Variants in MRTFA observed in about 807,000 individuals in gnomAD.
MRTFA encodes the protein myocardin related transcription factor A, also known as myocardin-related transcription factor A.
Under a neutral mutation model 83.5 loss-of-function variants are expected in MRTFA, and 20 were observed. That is an observed-to-expected ratio of 0.24 (90% CI 0.17 to 0.35). The LOEUF is 0.35. MRTFA is among the 10% of genes least tolerant of loss of function. The pLI, the probability that MRTFA is intolerant of heterozygous loss-of-function variation, is 1.00. For missense variants in MRTFA, 1,200 were observed against 1,224.7 expected (o/e 0.98, Z 0.30); for synonymous variants, 659 against 541.2 (o/e 1.22, Z -3.02).
intron 3 of MRTFA, 44 bp downstream of exon 3, chr22:40,552,062 T>G (rs2055451040): frequency 7.5e-6 from 3 of 397,700 alleles, no homozygotes; most frequent in Admixed American, 4.4e-5. Context: ...AACATGAAGA[T>G]CCTGGTTCAA....
chr22:40,462,085 C>T lies in MRTFA; in HGVS notation c.307+1136G>A, dbSNP rs78975285. Among the ~76,000 whole-genome samples, 1,127 of 152,312 alleles carry T rather than the reference C, an allele frequency of 7.4e-3. 12 individuals carry two copies. Among genetic ancestry groups the T allele is most frequent in the African/African-American group, 0.026 (1,078 of 41,572 alleles). The stretch of plus-strand genomic sequence containing the variant: ...CTCAAATCTTTCCTCTTCAGTGAGG[C>T]CTTTCTTGAACATCTTATTCGAAGT... On this transcript the variant is annotated intron_variant, in intron 4 of 14. Transcript: ENST00000355630.
Position 40,592,276 on chromosome 22 carries a change from A to G in MRTFA, c.-22+2398T>C, listed in dbSNP as rs1340217702. ...AGACCTCAGTCTCTACAAAAAAAAAAAAAAAAAAATTATTTTTTTTAATTA... is the reference window on the plus strand; with the variant it reads ...AGACCTCAGTCTCTACAAAAAAAAAGAAAAAAAAATTATTTTTTTTAATTA... On this transcript the variant is annotated intron_variant, in intron 2 of 14. Transcript: ENST00000355630. Among the ~76,000 whole-genome samples the G allele has an allele frequency of 2.0e-5, 3 of 151,070 alleles. No homozygotes were observed. In the East Asian group the frequency reaches 5.8e-4, roughly 29 times the overall value.
At chr22:40,621,248 A>C (rs932098395) in intron 1 of MRTFA, among the ~76,000 whole-genome samples, 3 of 152,298 alleles carry the variant, frequency 2.0e-5, no homozygotes, top group Admixed American at 6.5e-5. Flanking sequence ...ACATGCAGCA[A>C]TCAGGCTAAT....
intron 3 of MRTFA, among the ~76,000 whole-genome samples, chr22:40,526,951 T>G (rs2054985622): frequency 6.6e-6 from 1 of 151,348 alleles, no homozygotes; most frequent in Admixed American, 6.6e-5. Context: ...AATAAAAAAC[T>G]TATTGGGGCA....
chr22:40,601,134 A>G (rs2056254581), intron 1 of MRTFA, among the ~76,000 whole-genome samples: 1 of 152,208 alleles, frequency 6.6e-6, no homozygotes, highest in South Asian at 2.1e-4. Context: ...ACTCAGACAT[A>G]GTAGCTCCAG....
intron 4 of MRTFA, among the ~76,000 whole-genome samples, chr22:40,436,649 C>G (rs950306434): frequency 9.2e-5 from 14 of 152,130 alleles, no homozygotes; most frequent in African/African-American, 3.4e-4. Context: ...AAAAACTTGG[C>G]TGTAAGGACA....
intron 12 of MRTFA, among the ~76,000 whole-genome samples, chr22:40,418,084 C>G: frequency 6.6e-6 from 1 of 152,082 alleles, no homozygotes; most frequent in East Asian, 1.9e-4. Flanking sequence ...CTAGGGCAGG[C>G]CCAGCCTGGG....
At chr22:40,460,090 A>T (rs2147147419) in intron 4 of MRTFA, among the ~76,000 whole-genome samples, 1 of 151,714 alleles carries the variant, frequency 6.6e-6, no homozygotes, top group South Asian at 2.1e-4. Context: ...ATGCCTGGCT[A>T]ATTTTTGTAT....
intron 3 of MRTFA, among the ~76,000 whole-genome samples, chr22:40,465,959 T>C (rs1348042326): frequency 1.3e-5 from 2 of 151,860 alleles, no homozygotes; most frequent in Non-Finnish European, 2.9e-5. Context: ...TAATAAGAGG[T>C]AGAACAGGAT....
At chr22:40,437,930 C>T (rs780323805) in intron 4 of MRTFA, among the ~76,000 whole-genome samples, 13 of 152,158 alleles carry the variant, frequency 8.5e-5, no homozygotes, top group Non-Finnish European at 1.8e-4. Flanking sequence ...ACACAGTATA[C>T]CCTCAATAAT....
At chr22:40,443,788 G>A (rs1035891256) in intron 4 of MRTFA, among the ~76,000 whole-genome samples, 1 of 152,162 alleles carries the variant, frequency 6.6e-6, no homozygotes, top group Non-Finnish European at 1.5e-5. Flanking sequence ...AAAGGGCCAA[G>A]TAGGAAGCTG....
chr22:40,554,631 A>G (rs1328345594), intron 2 of MRTFA, among the ~76,000 whole-genome samples: 4 of 152,218 alleles, frequency 2.6e-5, no homozygotes, highest in Non-Finnish European at 5.9e-5. Flanking sequence ...TAAACTACCC[A>G]ATCTTGGGCA....
intron 4 of MRTFA, among the ~76,000 whole-genome samples, chr22:40,444,814 C>A (rs1333093846): frequency 6.6e-6 from 1 of 151,928 alleles, no homozygotes; most frequent in Non-Finnish European, 1.5e-5. Context: ...ACACCTGTAA[C>A]CCCAGCACCC....
At chr22:40,575,913 G>C (rs1241594825) in intron 2 of MRTFA, among the ~76,000 whole-genome samples, 1 of 151,970 alleles carries the variant, frequency 6.6e-6, no homozygotes, top group East Asian at 1.9e-4. Flanking sequence ...ACAATGCTAA[G>C]ACAGTAAGAG....
intron 9 of MRTFA, among the ~76,000 whole-genome samples, chr22:40,421,422 G>C (rs1158201168): frequency 6.6e-6 from 1 of 152,160 alleles, no homozygotes; most frequent in Non-Finnish European, 1.5e-5. Flanking sequence ...ATGGAGCTCG[G>C]GCTGCGCCAG....
chr22:40,544,628 T>C (rs2055336124), intron 3 of MRTFA, among the ~76,000 whole-genome samples: 1 of 152,110 alleles, frequency 6.6e-6, no homozygotes, highest in Non-Finnish European at 1.5e-5. Context: ...AACAACAAAC[T>C]AGTATTCCGG....
chr22:40,481,000 T>C (rs59098711), intron 3 of MRTFA, among the ~76,000 whole-genome samples: 32,663 of 151,844 alleles, frequency 0.22, 3,771 homozygotes, highest in East Asian at 0.34. Context: ...GGTGTAGTAG[T>C]CCTTGCCTGT....
chr22:40,566,460 T>C (rs898855247), intron 2 of MRTFA, among the ~76,000 whole-genome samples: 5 of 151,960 alleles, frequency 3.3e-5, no homozygotes, highest in Non-Finnish European at 7.4e-5. Flanking sequence ...GACCTCGTGA[T>C]CCACCCGCCT....
chr22:40,464,403 T>C (rs77526710), intron 3 of MRTFA, among the ~76,000 whole-genome samples: 1 of 143,020 alleles, frequency 7.0e-6, no homozygotes, highest in South Asian at 2.2e-4. Context: ...AGAATGACAA[T>C]GGCACAGCTG....
Sources: allele counts gnomAD v4.1 joint callset (sites outside exome capture counted in the v4.1 genomes callset), GRCh38; gene constraint gnomAD v4.1.1; transcripts MANE v1.5; gene names NCBI Gene and HGNC (gene_info 2026-07-23, HGNC 2026-07-21).